Variants in LDLRAD3 observed in about 807,000 individuals in gnomAD.
The protein encoded by LDLRAD3 is low-density lipoprotein receptor class A domain-containing protein 3.
LDLRAD3 carries 20 observed loss-of-function variants against 29.4 expected under a neutral mutation model. The ratio of observed to expected loss-of-function variants is 0.68; its 90% CI spans 0.48 to 0.99. The LOEUF (loss-of-function observed/expected upper bound fraction) is 0.99, where lower values mean the gene tolerates loss of function less well. Among genes scored for constraint, LDLRAD3 ranks in the 50% least tolerant of loss-of-function variants. The probability of loss-of-function intolerance (pLI) is 0.00; values close to 1 mark genes in which losing one functional copy is unlikely to be tolerated. For synonymous variants in LDLRAD3, 157 were observed against 192.7 expected, an observed-to-expected ratio of 0.81 and a Z score of 1.53; for missense variants, 420 against 454.3, an observed-to-expected ratio of 0.92 and a Z score of 0.69.
intron 1 of LDLRAD3, among the ~76,000 whole-genome samples, chr11:36,029,977 T>A (rs1852215287): frequency 6.6e-6 from 1 of 152,188 alleles, no homozygotes; most frequent in African/African-American, 2.4e-5. Flanking sequence ...TCTGTGGATA[T>A]CAATAGCCAA....
chr11:36,129,652 T>A (rs1565243887), intron 4 of LDLRAD3, among the ~76,000 whole-genome samples: 2 of 152,176 alleles, frequency 1.3e-5, no homozygotes, highest in Non-Finnish European at 2.9e-5. Flanking sequence ...GGCCATGCAA[T>A]TGATCATTGC....
rs576524738 is a variant in LDLRAD3 at position 36,201,896 on chromosome 11, T to C, written c.455-25189T>C. Among the ~76,000 whole-genome samples, 189 of 152,358 alleles carry C rather than the reference T, an allele frequency of 1.2e-3. 1 individual carries two copies. The highest frequency in any genetic ancestry group is 0.01 in the Middle Eastern group (3 of 294). ...GCTTCCTTGGACCTTAGGCATAGCA[T>C]GCATCATTGTCCAGGTGTGACCTGA... On this transcript the variant is annotated intron_variant, in intron 4 of 5. Transcript: ENST00000315571.
intron 3 of LDLRAD3, among the ~76,000 whole-genome samples, chr11:36,083,854 A>G (rs1250965852): frequency 1.3e-5 from 2 of 151,994 alleles, no homozygotes; most frequent in African/African-American, 4.8e-5. Flanking sequence ...TGATTATGTC[A>G]TCCTATATAT....
At chr11:36,137,040 A>G (rs1327194780) in intron 4 of LDLRAD3, among the ~76,000 whole-genome samples, 2 of 152,144 alleles carry the variant, frequency 1.3e-5, no homozygotes, top group African/African-American at 2.4e-5. Context: ...CTTTATAGCA[A>G]TGCAAGAACA....
At chr11:36,140,995 TC>T (rs1168154147) in intron 4 of LDLRAD3, among the ~76,000 whole-genome samples, 3,115 of 85,214 alleles carry the variant, frequency 0.037, 106 homozygotes, top group African/African-American at 0.18. Flanking sequence ...TTGAGCTTTC[TC>T]TCTCTCTCTC....
intron 1 of LDLRAD3, among the ~76,000 whole-genome samples, chr11:35,946,868 A>T (rs1350799983): frequency 1.3e-5 from 2 of 152,238 alleles, no homozygotes; most frequent in African/African-American, 4.8e-5. Flanking sequence ...AGCACAGCTC[A>T]GCTCGGGAAG....
At chr11:36,187,517 A>G (rs755717997) in intron 4 of LDLRAD3, among the ~76,000 whole-genome samples, 26 of 152,080 alleles carry the variant, frequency 1.7e-4, no homozygotes, top group Non-Finnish European at 3.4e-4. Context: ...TCATATATCC[A>G]CTGTTTGGAT....
chr11:36,091,636 G>A (rs1029593470), intron 3 of LDLRAD3, among the ~76,000 whole-genome samples: 6 of 152,102 alleles, frequency 3.9e-5, no homozygotes, highest in Non-Finnish European at 5.9e-5. Context: ...AGTTAACTCT[G>A]CAGACAATTT....
rs145950164 is a variant in LDLRAD3 at position 35,959,167 on chromosome 11, G to A, written c.46+15023G>A. Among the ~76,000 whole-genome samples, 122 of 152,316 alleles carry A rather than the reference G, an allele frequency of 8.0e-4. 1 individual carries two copies. The highest frequency in any genetic ancestry group is 2.7e-3 in the African/African-American group (114 of 41,566). ...ACTTTTCCCACAGCTCAGCGCAGCC[G>A]TATGGATTGTGTGCTCTTGTTTGCT... On this transcript the variant is annotated intron_variant, in intron 1 of 5. Transcript: ENST00000315571.
At chr11:36,100,533 G>T (rs1052893487) in intron 4 of LDLRAD3, among the ~76,000 whole-genome samples, 2 of 152,124 alleles carry the variant, frequency 1.3e-5, no homozygotes, top group African/African-American at 4.8e-5. Context: ...TCTGCCTCCC[G>T]GGTTCAAGCG....
intron 1 of LDLRAD3, among the ~76,000 whole-genome samples, chr11:36,019,433 T>C (rs1852065567): frequency 6.6e-6 from 1 of 152,196 alleles, no homozygotes; most frequent in Non-Finnish European, 1.5e-5. Context: ...GGAGCCATTA[T>C]TCCTCTCTTC....
At chr11:36,147,098 CTTTTTTTTTTTTTTTTTTTTTTTT>C (rs55747441) in intron 4 of LDLRAD3, among the ~76,000 whole-genome samples, 4 of 48,124 alleles carry the variant, frequency 8.3e-5, no homozygotes, top group Non-Finnish European at 1.1e-4. Context: ...CCCATATTTA[CTTTTTTTTTTTTTTTTTTTTTTTT>C]TTTTTTTTTT....
At chr11:36,192,247 C>A (rs547585080) in intron 4 of LDLRAD3, among the ~76,000 whole-genome samples, 1 of 152,194 alleles carries the variant, frequency 6.6e-6, no homozygotes, top group Admixed American at 6.5e-5. Flanking sequence ...GCACTTTAAA[C>A]GTGAGCTATC....
At position 36,227,211 on chromosome 11, in the gene LDLRAD3, T is replaced by C; in HGVS notation, c.581T>C (p.Leu194Ser). 6.2e-7 allele frequency: 1 copy of C among 1,614,204 alleles called. No individual in the cohort carries two copies. The highest frequency in any genetic ancestry group is 1.1e-5 in the South Asian group (1 of 91,086). Residue 194 changes from leucine (L) to serine (S), a missense_variant, in exon 5 of 6, where the codon TTG becomes TCG. By Grantham distance (145) the Leu-to-Ser change is moderately radical. Transcript: ENST00000315571. ...VLVVALLALVLHHQRKRNNLM... is the reference protein window; with the variant it reads ...VLVVALLALVSHHQRKRNNLM... Reference sequence around the variant, plus strand: ...GTGGTGGCCCTGCTGGCACTGGTCTTGCACCACCAGCGGAAGCGGAACAAC... The same window carrying C: ...GTGGTGGCCCTGCTGGCACTGGTCTCGCACCACCAGCGGAAGCGGAACAAC...
chr11:36,021,943 C>T (rs930578607), intron 1 of LDLRAD3, among the ~76,000 whole-genome samples: 1 of 152,150 alleles, frequency 6.6e-6, no homozygotes, highest in African/African-American at 2.4e-5. Flanking sequence ...AGCCACTGTG[C>T]CTGGCCTCAA....
intron 2 of LDLRAD3, among the ~76,000 whole-genome samples, chr11:36,053,263 A>T (rs1852555184): frequency 6.6e-6 from 1 of 151,800 alleles, no homozygotes; most frequent in Admixed American, 6.6e-5. Flanking sequence ...TTTAAATCTC[A>T]TTTTGACATC....
chr11:36,117,178 G>A (rs1019444473), intron 4 of LDLRAD3, among the ~76,000 whole-genome samples: 2 of 152,092 alleles, frequency 1.3e-5, no homozygotes, highest in Admixed American at 1.3e-4. Context: ...ATCATTTAGA[G>A]CAAAAGTTGT....
At chr11:36,135,340 A>G (rs903278184) in intron 4 of LDLRAD3, among the ~76,000 whole-genome samples, 5 of 151,984 alleles carry the variant, frequency 3.3e-5, no homozygotes, top group African/African-American at 1.2e-4. Flanking sequence ...CCCTTTCCCC[A>G]TGGCTGGGGT....
intron 1 of LDLRAD3, among the ~76,000 whole-genome samples, chr11:36,012,107 A>G (rs1253748818): frequency 6.6e-6 from 1 of 152,220 alleles, no homozygotes; most frequent in Non-Finnish European, 1.5e-5. Flanking sequence ...TATATTCTAT[A>G]GTAGTCTCCC....
Sources: gnomAD v4.1 joint callset for allele counts (sites outside exome capture counted in the v4.1 genomes callset) on GRCh38, gnomAD v4.1.1 for gene constraint, MANE v1.5 for transcripts, NCBI Gene and HGNC (gene_info 2026-07-23, HGNC 2026-07-21) for gene names.